Variants in LCA5L observed in about 807,000 individuals in gnomAD.
LCA5L encodes lebercilin LCA5 like.
In LCA5L, 35 loss-of-function variants were observed where a neutral mutation model predicts 45.4. The ratio of observed to expected loss-of-function variants is 0.77; its 90% confidence interval spans 0.59 to 1.02. The LOEUF is 1.02. Among genes scored for constraint, LCA5L ranks in the 50% least tolerant of loss-of-function variants. The pLI is 0.00. For synonymous variants in LCA5L, 233 were observed against 264.7 expected (o/e 0.88, Z 1.16); for missense variants, 668 against 761.6 (o/e 0.88, Z 1.45).
In LCA5L at chr21:39,423,157, T is replaced by C. The variant is rs756712077; in HGVS notation, c.656A>G (p.Glu219Gly). 6.2e-7 allele frequency: 1 copy of C among 1,613,684 alleles called. No homozygotes were observed. Among genetic ancestry groups the C allele is most frequent in the Non-Finnish European group, 8.5e-7 (1 of 1,179,922 alleles). ...NLRQLLRKSQ[E>G]KERTLSRKLR... ...TTTCCTAGATAGAGTTCTTTCCTTT[T>C]CCTGGGATTTCCTAAGTAGTTGCCT... is the stretch of plus-strand genomic sequence containing the variant. Residue 219 changes from glutamate to glycine, a missense_variant, in exon 6 of 11, where the codon GAA becomes GGA. By Grantham distance (98) the Glu-to-Gly change is moderately conservative (BLOSUM62 -2). Transcript: ENST00000288350.
rs146813981 is a variant in LCA5L, at chr21:39,424,989, T to C, written c.323-1499A>G. On this transcript the variant is annotated intron_variant, in intron 5 of 10. Transcript: ENST00000288350. ...CTAGGAAGTGGTGAGACAGAGCCCA[T>C]TGTCTATGTGCCTATGCTAGTGCCC... is the stretch of plus-strand genomic sequence containing the variant. Among the ~76,000 whole-genome samples, 635 of 152,324 alleles carry C rather than the reference T, an allele frequency of 4.2e-3. 6 individuals are homozygous for C. The highest frequency in any genetic ancestry group is 0.015 in the African/African-American group (613 of 41,582).
chr21:39,417,767 A>T (rs2041487594), intron 7 of LCA5L, among the ~76,000 whole-genome samples: 1 of 151,710 alleles, frequency 6.6e-6, no homozygotes, highest in Non-Finnish European at 1.5e-5. Flanking sequence ...TAATTTTTTA[A>T]TTTTTAATTT....
chr21:39,420,704 AC>A lies in LCA5L; in HGVS notation c.975+1del. On this transcript the variant is annotated splice_donor_variant, in intron 7 of 10. Transcript: ENST00000288350. LOFTEE classifies it high-confidence loss of function. Reference sequence around the variant, plus strand: ...TCTTACATTTTGTTTTAAAAGAAATACCTTAAGTTTTTGTTGAAGGTGTTTT... The same window carrying A: ...TCTTACATTTTGTTTTAAAAGAAATACTTAAGTTTTTGTTGAAGGTGTTTT... 6.2e-7 allele frequency: 1 copy of A among 1,608,808 alleles called. No individual in the cohort carries two copies. Among genetic ancestry groups the A allele is most frequent in the Non-Finnish European group, 8.5e-7 (1 of 1,176,014 alleles).
intron 10 of LCA5L, chr21:39,408,768 G>A (rs1053864336): frequency 1.3e-5 from 2 of 152,278 alleles, no homozygotes; most frequent in Non-Finnish European, 2.9e-5. Context: ...AGCTCTGCCA[G>A]ATGCCATGGA....
At position 39,409,039 on chromosome 21, in the gene LCA5L, A is replaced by G. The variant is rs2039604572; in HGVS notation, c.1282+940T>C. The stretch of plus-strand genomic sequence containing the variant: ...TTCATATGTTGAAGCCGTAACCCCC[A>G]GTATGGCTATATTTGGAGACTGGGT... On this transcript the variant is annotated intron_variant, in intron 10 of 10. Coordinates refer to ENST00000288350, the MANE Select transcript of LCA5L (RefSeq NM_152505.4). The surrounding 1 kb of genome is among the most constrained non-coding windows in gnomAD (Gnocchi z 4.2). Among the ~76,000 whole-genome samples, 1 of 152,216 alleles carries G rather than the reference A, an allele frequency of 6.6e-6. No homozygotes were observed. Among genetic ancestry groups the G allele is most frequent in the Non-Finnish European group, 1.5e-5 (1 of 68,030 alleles).
At chr21:39,421,805 C>T (rs2073813495) in intron 6 of LCA5L, 1 of 151,876 alleles carries the variant, frequency 6.6e-6, no homozygotes, top group Non-Finnish European at 1.5e-5. Flanking sequence ...TTTTGGTCCA[C>T]AAAACAGTTT....
In LCA5L at chr21:39,428,392, G is replaced by C; in HGVS notation, c.102C>G (p.Gly34=). ...RRSAACKRSP[G]TGDFSRNSNA... ...TACTGTTCCGTGAAAAATCGCCTGTGCCTGGGCTTCTCTTGCATGCTGCAG... is the reference window on the plus strand; with the variant it reads ...TACTGTTCCGTGAAAAATCGCCTGTCCCTGGGCTTCTCTTGCATGCTGCAG... Residue 34 remains glycine (G), a synonymous_variant, in exon 5 of 11, where the codon GGC becomes GGG. Transcript: ENST00000288350. The C allele has an allele frequency of 6.2e-7, 1 of 1,613,022 alleles. No homozygotes were observed. The highest frequency in any genetic ancestry group is 2.2e-5 in the East Asian group (1 of 44,832).
rs2040120251 is a variant in LCA5L, at chr21:39,411,765, C to T, written c.1013G>A (p.Ser338Asn). 1 of 1,590,230 alleles carries T rather than the reference C, an allele frequency of 6.3e-7. No homozygotes were observed. The change falls in exon 8 of 11, where the codon AGT becomes AAT. Residue 338 changes from serine (S) to asparagine (N), a missense_variant. Ser to Asn is a conservative substitution (Grantham distance 46, BLOSUM62 1). Transcript: ENST00000288350. Reference protein sequence around the residue: ...DRELEIKNIYSHRILKNLHDT... With the variant: ...DRELEIKNIYNHRILKNLHDT... ...ATGTAAATTTTTAAGTATTCGATGA[C>T]TATAGATGTTTTTAATTTCAAGCTC...
chr21:39,423,249 T>A lies in LCA5L; in HGVS notation c.564A>T (p.Lys188Asn), dbSNP rs1160639780. The A allele has an allele frequency of 1.9e-6, 3 of 1,610,254 alleles. No individual in the cohort carries two copies. In the Admixed American group the frequency reaches 5.1e-5, roughly 27 times the overall value. ...LQLRHLKAIG[K>N]YENSQNNLPQ... ...GTAGATTATTTTGTGAATTCTCATA[T>A]TTTCCTATAGCTTTCAAATGCCTAA... The change falls in exon 6 of 11, where the codon AAA (lysine) becomes AAT (asparagine). Residue 188 changes from lysine to asparagine, a missense_variant. Transcript: ENST00000288350.
At chr21:39,430,696 T>C (rs1446470935) in intron 3 of LCA5L, among the ~76,000 whole-genome samples, 1 of 152,142 alleles carries the variant, frequency 6.6e-6, no homozygotes, top group Non-Finnish European at 1.5e-5. Context: ...TAAGTAATCA[T>C]TTCTAAGCTG....
intron 2 of LCA5L, among the ~76,000 whole-genome samples, chr21:39,442,971 A>C (rs1175703431): frequency 6.6e-6 from 1 of 152,136 alleles, no homozygotes; most frequent in Non-Finnish European, 1.5e-5. Flanking sequence ...CTGGGAGAGG[A>C]GGGTGAGCCA....
chr21:39,441,298 C>A (rs1225988485), intron 2 of LCA5L, among the ~76,000 whole-genome samples: 5 of 151,802 alleles, frequency 3.3e-5, no homozygotes, highest in Non-Finnish European at 7.4e-5. Flanking sequence ...GGAGTGGGAC[C>A]CTGTTTCAAA....
intron 2 of LCA5L, among the ~76,000 whole-genome samples, chr21:39,441,730 G>C (rs1409956365): frequency 1.3e-5 from 2 of 152,194 alleles, no homozygotes; most frequent in African/African-American, 4.8e-5. Context: ...ACTGCACTGA[G>C]TAAAGGGCTA....
intron 3 of LCA5L, among the ~76,000 whole-genome samples, chr21:39,433,213 T>C (rs183001268): frequency 4.9e-4 from 74 of 152,186 alleles, no homozygotes; most frequent in Admixed American, 7.9e-4. Context: ...GGTCAGGAGT[T>C]CGTGACCAGC....
rs865983980 is a variant in LCA5L, at chr21:39,406,538, C to G, written c.1357G>C (p.Glu453Gln). ...AAAATGTTTTTCTTTTCTTGGTCTTCTTTTTTGTCTTTTTGTCTTCCAGTA... is the reference window on the plus strand; with the variant it reads ...AAAATGTTTTTCTTTTCTTGGTCTTGTTTTTTGTCTTTTTGTCTTCCAGTA... Reference protein sequence around the residue: ...ENTGRQKDKKEDQEKKNIFVK... With the variant: ...ENTGRQKDKKQDQEKKNIFVK... Residue 453 changes from glutamate to glutamine, a missense_variant, in exon 11 of 11, where the codon GAA (glutamate) becomes CAA (glutamine). Coordinates refer to ENST00000288350, the MANE Select transcript of LCA5L (RefSeq NM_152505.4). 1 of 1,611,884 alleles carries G rather than the reference C, an allele frequency of 6.2e-7. No individual in the cohort carries two copies.
intron 2 of LCA5L, chr21:39,435,968 C>T (rs1181598627): frequency 6.6e-6 from 1 of 152,168 alleles, no homozygotes; most frequent in African/African-American, 2.4e-5. Context: ...GAAAGTGAAT[C>T]ACCTGTTGGC....
intron 3 of LCA5L, among the ~76,000 whole-genome samples, chr21:39,430,364 C>A (rs907465979): frequency 2.6e-5 from 4 of 152,216 alleles, no homozygotes; most frequent in African/African-American, 7.2e-5. Flanking sequence ...TCTTCTTATG[C>A]AGGCAATTTT....
chr21:39,415,356 A>T (rs2040947025), intron 7 of LCA5L, among the ~76,000 whole-genome samples: 1 of 152,134 alleles, frequency 6.6e-6, no homozygotes, highest in East Asian at 1.9e-4. Context: ...TTGAAACTTT[A>T]TTATACAAAT....
chr21:39,406,305 A>T lies in LCA5L; in HGVS notation c.1590T>A (p.Thr530=). 6.2e-7 allele frequency: 1 copy of T among 1,614,142 alleles called. No homozygotes were observed. The highest frequency in any genetic ancestry group is 8.5e-7 in the Non-Finnish European group (1 of 1,180,024). Residue 530 remains threonine, a synonymous_variant, in exon 11 of 11, where the codon ACT becomes ACA. Transcript: ENST00000288350. ...QRRHYSFTEA[T]ENLHHGLPAS... ...CAGGAAGCCCATGATGCAGGTTTTC[A>T]GTTGCTTCTGTGAATGAGTAATGTC...
Sources: gnomAD v4.1 joint callset for allele counts (sites outside exome capture counted in the v4.1 genomes callset) on GRCh38, gnomAD v4.1.1 for gene constraint, Gnocchi (gnomAD v3.1) non-coding constraint, MANE v1.5 for transcripts, NCBI Gene and HGNC (gene_info 2026-07-23, HGNC 2026-07-21) for gene names.